Variants in NEO1 observed in about 807,000 individuals in gnomAD.
NEO1 encodes the protein neogenin.
In NEO1, 63 loss-of-function variants were observed where a neutral mutation model predicts 159.7. The observed-to-expected ratio is 0.39, with a 90% CI of 0.32 to 0.49. The LOEUF is 0.49. Ranked by LOEUF, NEO1 falls within the 20% of genes least tolerant of loss-of-function variation. The pLI is 0.85. For synonymous variants in NEO1, 633 were observed against 662.0 expected (o/e 0.96, Z 0.67); for missense variants, 1,615 against 1,831.0 (o/e 0.88, Z 2.15).
intron 8 of NEO1, among the ~76,000 whole-genome samples, chr15:73,242,244 A>G (rs2039526245): frequency 6.6e-6 from 1 of 152,214 alleles, no homozygotes; most frequent in African/African-American, 2.4e-5. Flanking sequence ...GAACTTAACC[A>G]CTAGTAGCCT....
At chr15:73,263,133 T>C (rs1490537248) in intron 15 of NEO1, among the ~76,000 whole-genome samples, 3 of 151,992 alleles carry the variant, frequency 2.0e-5, no homozygotes, top group Non-Finnish European at 4.4e-5. Flanking sequence ...GTCAAAACTG[T>C]AAATGTACAG....
At chr15:73,208,446 C>A (rs2037357052) in intron 7 of NEO1, among the ~76,000 whole-genome samples, 1 of 152,204 alleles carries the variant, frequency 6.6e-6, no homozygotes, top group Admixed American at 6.5e-5. Context: ...CACAAGACAT[C>A]CCATTCTAGT....
At chr15:73,092,589 CTTATAT>C (rs759354906) in intron 1 of NEO1, among the ~76,000 whole-genome samples, 25 of 152,010 alleles carry the variant, frequency 1.6e-4, no homozygotes, top group Admixed American at 2.6e-4. Flanking sequence ...TTTCAGTGTT[CTTATAT>C]TTATATTTCA....
Position 73,190,065 on chromosome 15 carries a change from G to T in NEO1, c.1291+11638G>T, listed in dbSNP as rs1025046765. On this transcript the variant is annotated intron_variant, in intron 7 of 28. Transcript: ENST00000261908. ...CTGTCATTTTATGCTAAAATCCTTT[G>T]TTTTTTATAATTATCTATTAAATTA... Among the ~76,000 whole-genome samples the T allele has an allele frequency of 2.0e-5, 3 of 151,624 alleles. No homozygotes were observed. The South Asian group carries it at 6.2e-4, about 31-fold the overall frequency.
intron 7 of NEO1, among the ~76,000 whole-genome samples, chr15:73,211,590 G>A (rs185355012): frequency 1.5e-4 from 23 of 152,188 alleles, no homozygotes; most frequent in Admixed American, 5.2e-4. Flanking sequence ...TGGCACATGC[G>A]TGTATTCCCA....
At chr15:73,137,880 TAAAG>T (rs1365327589) in intron 5 of NEO1, among the ~76,000 whole-genome samples, 2 of 152,038 alleles carry the variant, frequency 1.3e-5, no homozygotes, top group East Asian at 1.9e-4. Flanking sequence ...CATTATATGA[TAAAG>T]AAAGATAACA....
chr15:73,173,644 T>G (rs75788897), intron 5 of NEO1, among the ~76,000 whole-genome samples: 1,676 of 152,210 alleles, frequency 0.011, 22 homozygotes, highest in East Asian at 0.049. Context: ...ACTTATAAAT[T>G]TTACCATATG....
rs1199201084 is a variant in NEO1 at position 73,302,827 on chromosome 15, C to A, written c.*131C>A. 2.4e-6 allele frequency: 2 copies of A among 820,262 alleles called. No homozygotes were observed. The highest frequency in any genetic ancestry group is 2.8e-5 in the East Asian group (1 of 35,436). 50.8% of individuals were successfully genotyped at this position (820,262 alleles called of 1,614,324 possible). On this transcript the variant is annotated 3_prime_UTR_variant, in exon 29 of 29. Transcript: ENST00000261908. ...CAGAATGAGCCAGCAGACTGGCCAG[C>A]GCCTCTGTGTAGGGCTGGCTCCAGG...
rs572560701 is a variant in NEO1 at position 73,060,187 on chromosome 15, A to C, written c.130+7382A>C. On this transcript the variant is annotated intron_variant, in intron 1 of 28. Transcript: ENST00000261908. ...AGCATAGCTTTAAATGTAACAAGTAAAATTTGAAAATCTTTTTGGTTAATT... is the reference window on the plus strand; with the variant it reads ...AGCATAGCTTTAAATGTAACAAGTACAATTTGAAAATCTTTTTGGTTAATT... Among the ~76,000 whole-genome samples, 8 of 152,292 alleles carry C rather than the reference A, an allele frequency of 5.3e-5. No homozygotes were observed. In the East Asian group the frequency reaches 1.5e-3, roughly 29 times the overall value.
rs879566448 is a variant in NEO1, at chr15:73,188,207, T to TA, written c.1291+9791dup. ...CTGATTAAAAGGTGAGTTTAGTATT[T>TA]AAAAAAAAAAAGACTTTACTAATTA... On this transcript the variant is annotated intron_variant, in intron 7 of 28. Coordinates refer to ENST00000261908, the MANE Select transcript of NEO1 (RefSeq NM_002499.4). 3.3e-3 allele frequency among the ~76,000 whole-genome samples: 480 copies of TA among 146,192 alleles called. 2 individuals carry two copies. Among genetic ancestry groups the TA allele is most frequent in the African/African-American group, 0.01 (414 of 40,162 alleles).
intron 15 of NEO1, among the ~76,000 whole-genome samples, chr15:73,261,638 G>A (rs551131044): frequency 6.6e-6 from 1 of 152,256 alleles, no homozygotes; most frequent in South Asian, 2.1e-4. Flanking sequence ...TCTGTGCACT[G>A]AAAATAGAAA....
chr15:73,061,553 T>C (rs1029340005), intron 1 of NEO1, among the ~76,000 whole-genome samples: 1 of 152,260 alleles, frequency 6.6e-6, no homozygotes, highest in Non-Finnish European at 1.5e-5. Context: ...ATGACATTTA[T>C]CTTTATTAAC....
At chr15:73,239,434 T>TATGTAAA (rs1268470722) in intron 8 of NEO1, among the ~76,000 whole-genome samples, 1 of 152,192 alleles carries the variant, frequency 6.6e-6, no homozygotes, top group Non-Finnish European at 1.5e-5. Flanking sequence ...AAAAGGAGAC[T>TATGTAAA]ATGTAAATAT....
At chr15:73,156,794 G>A (rs531238108) in intron 5 of NEO1, among the ~76,000 whole-genome samples, 21 of 152,128 alleles carry the variant, frequency 1.4e-4, no homozygotes, top group Non-Finnish European at 1.9e-4. Context: ...TTCCCTCTGC[G>A]GAGTAGGGGC....
chr15:73,292,337 T>G (rs147006411), intron 25 of NEO1, among the ~76,000 whole-genome samples: 245 of 152,340 alleles, frequency 1.6e-3, no homozygotes, highest in African/African-American at 5.3e-3. Flanking sequence ...TTAAGTAGTA[T>G]TATTAAGTTC....
chr15:73,180,840 A>T (rs1211533687), intron 7 of NEO1, among the ~76,000 whole-genome samples: 4 of 152,126 alleles, frequency 2.6e-5, no homozygotes, highest in African/African-American at 9.7e-5. Flanking sequence ...TAAGAAGGAG[A>T]GTAAGTGTCA....
intron 9 of NEO1, 88 bp from the exon 10 acceptor site, chr15:73,248,972 G>T (rs79539304): frequency 1.7e-6 from 2 of 1,211,450 alleles, no homozygotes; most frequent in Non-Finnish European, 1.1e-6. Flanking sequence ...TTTTAAAAAC[G>T]TGGCCAATAT....
intron 13 of NEO1, among the ~76,000 whole-genome samples, chr15:73,256,580 C>G (rs1444843023): frequency 6.6e-6 from 1 of 152,130 alleles, no homozygotes; most frequent in African/African-American, 2.4e-5. Flanking sequence ...AAAAACTGTG[C>G]TCTAGTAATC....
At chr15:73,052,162 G>A (rs1036431640), upstream of NEO1, among the ~76,000 whole-genome samples, 6 of 149,652 alleles carry the variant, frequency 4.0e-5, no homozygotes, top group Non-Finnish European at 6.0e-5. Context: ...CGGCTCCGGG[G>A]AGAAGGGGGA....
Sources: allele counts gnomAD v4.1 joint callset (sites outside exome capture counted in the v4.1 genomes callset), GRCh38; gene constraint gnomAD v4.1.1; transcripts MANE v1.5; gene names NCBI Gene and HGNC (gene_info 2026-07-23, HGNC 2026-07-21).